Variants in AKAP19 observed in about 807,000 individuals in gnomAD.
AKAP19 encodes the protein A-kinase anchoring protein 19.
chr2:189,972,864 A>G, the AKAP19 span, among the ~76,000 whole-genome samples: 3 of 152,238 alleles, frequency 2.0e-5, no homozygotes, highest in Admixed American at 6.5e-5. Context: ...GTTGCTTATC[A>G]GCTTAAGGAG....
chr2:190,019,325 G>C, the AKAP19 span, among the ~76,000 whole-genome samples: 4 of 152,112 alleles, frequency 2.6e-5, no homozygotes, highest in African/African-American at 4.8e-5. Flanking sequence ...ACACTTCCAT[G>C]GGGGCAGATC....
At chr2:189,940,188 A>T in the AKAP19 span, among the ~76,000 whole-genome samples, 1 of 151,892 alleles carries the variant, frequency 6.6e-6, no homozygotes, top group Non-Finnish European at 1.5e-5. Context: ...CTGAGGCAGG[A>T]GAATGGCATG....
the AKAP19 span, among the ~76,000 whole-genome samples, chr2:189,912,904 A>G: frequency 6.6e-6 from 1 of 152,196 alleles, no homozygotes; most frequent in African/African-American, 2.4e-5. Flanking sequence ...CAAAAGGACC[A>G]GAAAAACTGT....
chr2:190,154,688 A>T, the AKAP19 span, among the ~76,000 whole-genome samples: 1 of 152,306 alleles, frequency 6.6e-6, no homozygotes, highest in Non-Finnish European at 1.5e-5. Context: ...GAAGTATATG[A>T]CTTATTTCAT....
At chr2:189,992,538 T>C in the AKAP19 span, among the ~76,000 whole-genome samples, 1 of 1,206 alleles carries the variant, frequency 8.3e-4, no homozygotes, top group Non-Finnish European at 1.8e-3. Context: ...TTTTAGGATT[T>C]TTTTTGTAGT....
At chr2:190,043,244 G>A in the AKAP19 span, among the ~76,000 whole-genome samples, 3 of 152,096 alleles carry the variant, frequency 2.0e-5, no homozygotes, top group Non-Finnish European at 2.9e-5. Flanking sequence ...GGCCTCTTTA[G>A]CAAGGTTGTG....
At chr2:190,067,057 C>T in the AKAP19 span, among the ~76,000 whole-genome samples, 1 of 152,116 alleles carries the variant, frequency 6.6e-6, no homozygotes, top group Non-Finnish European at 1.5e-5. Context: ...TTTGTTTATA[C>T]TCTCAAAAAC....
the AKAP19 span, among the ~76,000 whole-genome samples, chr2:190,103,610 C>T: frequency 6.6e-6 from 1 of 152,116 alleles, no homozygotes; most frequent in Non-Finnish European, 1.5e-5. Flanking sequence ...AAATAAAATA[C>T]CTACGAATAC....
chr2:190,033,390 C>T, the AKAP19 span, among the ~76,000 whole-genome samples: 73 of 152,118 alleles, frequency 4.8e-4, no homozygotes, highest in African/African-American at 1.5e-3. Flanking sequence ...AACGTGTCTG[C>T]GTATAGGCAA....
At chr2:189,980,993 G>A in the AKAP19 span, among the ~76,000 whole-genome samples, 74 of 152,280 alleles carry the variant, frequency 4.9e-4, 1 homozygote, top group South Asian at 0.014. Context: ...AAATGTATAC[G>A]CTGTGGTTTT....
At chr2:190,199,830 A>G in the AKAP19 span, 3 of 1,604,094 alleles carry the variant, frequency 1.9e-6, no homozygotes, top group Non-Finnish European at 2.6e-6. Flanking sequence ...AGTCTTTGCC[A>G]CTGCTTCCTC....
At chr2:189,962,950 T>C in the AKAP19 span, among the ~76,000 whole-genome samples, 1 of 152,108 alleles carries the variant, frequency 6.6e-6, no homozygotes, top group Non-Finnish European at 1.5e-5. Flanking sequence ...GATAGCATTT[T>C]ACCTGTAGTA....
the AKAP19 span, among the ~76,000 whole-genome samples, chr2:190,125,645 G>C: frequency 6.6e-6 from 1 of 152,112 alleles, no homozygotes; most frequent in African/African-American, 2.4e-5. Flanking sequence ...CGGGATCTTT[G>C]TTGGGAAATC....
chr2:189,926,354 G>T, the AKAP19 span, among the ~76,000 whole-genome samples: 49 of 152,242 alleles, frequency 3.2e-4, no homozygotes, highest in African/African-American at 1.2e-3. Flanking sequence ...GAGTGCAGTG[G>T]CGCGATCTAG....
the AKAP19 span, among the ~76,000 whole-genome samples, chr2:190,123,246 G>A: frequency 6.6e-6 from 1 of 151,976 alleles, no homozygotes; most frequent in Non-Finnish European, 1.5e-5. Context: ...ATATATTTAA[G>A]AATTTGTTCA....
At chr2:190,096,229 GT>G in the AKAP19 span, among the ~76,000 whole-genome samples, 3 of 152,192 alleles carry the variant, frequency 2.0e-5, no homozygotes, top group African/African-American at 4.8e-5. Flanking sequence ...AAAGTCTCCT[GT>G]GGCCCAACCT....
the AKAP19 span, among the ~76,000 whole-genome samples, chr2:190,053,441 C>T: frequency 1.3e-5 from 2 of 152,114 alleles, no homozygotes; most frequent in Non-Finnish European, 2.9e-5. Context: ...CGTAAATATA[C>T]TCATTTTCCA....
chr2:190,199,606 C>A, the AKAP19 span: 1 of 693,850 alleles, frequency 1.4e-6, no homozygotes, highest in Non-Finnish European at 2.0e-6. Flanking sequence ...TTCCATGTGA[C>A]CAAAGTGATG....
the AKAP19 span, among the ~76,000 whole-genome samples, chr2:190,085,804 T>C: frequency 6.6e-6 from 1 of 152,174 alleles, no homozygotes; most frequent in African/African-American, 2.4e-5. Flanking sequence ...GGTAACCAGG[T>C]GCCTCTCAGC....
Sources: gnomAD v4.1 joint callset for allele counts (sites outside exome capture counted in the v4.1 genomes callset) on GRCh38, gnomAD v4.1.1 for gene constraint, MANE v1.5 for transcripts, NCBI Gene and HGNC (gene_info 2026-07-23, HGNC 2026-07-21) for gene names.